The following OSBPL3 variants were observed in gnomAD, a reference collection of about 807,000 sequenced individuals.
OSBPL3 encodes oxysterol-binding protein-related protein 3.
OSBPL3 carries 65 observed loss-of-function variants against 120.1 expected under a neutral mutation model. The ratio of observed to expected loss-of-function variants is 0.54; its 90% confidence interval spans 0.44 to 0.67. The LOEUF (loss-of-function observed/expected upper bound fraction) is 0.67. Among genes scored for constraint, OSBPL3 ranks in the 30% least tolerant of loss-of-function variants. The probability of loss-of-function intolerance (pLI) is 0.00; values close to 1 mark genes in which losing one functional copy is unlikely to be tolerated. For synonymous variants in OSBPL3, 416 were observed against 402.6 expected (o/e 1.03, Z -0.40); for missense variants, 1,004 against 1,082.1 (o/e 0.93, Z 1.01).
intron 1 of OSBPL3, among the ~76,000 whole-genome samples, chr7:24,945,067 A>T (rs1813556255): frequency 6.6e-6 from 1 of 152,186 alleles, no homozygotes; most frequent in Admixed American, 6.5e-5. Context: ...CTTGAGTATC[A>T]AGTCTTGGGT....
chr7:24,826,437 A>G (rs1313284913), intron 16 of OSBPL3, among the ~76,000 whole-genome samples: 1 of 152,176 alleles, frequency 6.6e-6, no homozygotes, highest in Non-Finnish European at 1.5e-5. Flanking sequence ...GAGATTTTGC[A>G]TGGTGAGAAC....
In OSBPL3 at chr7:24,799,074, T is replaced by G. The variant is rs1792010877; in HGVS notation, c.*1109A>C. The G allele has an allele frequency of 6.6e-6, 1 of 152,624 alleles. No homozygotes were observed. The allele number at this position is 152,624 out of a possible 1,614,324, so 9.5% of individuals were successfully genotyped here. Reference sequence around the variant, plus strand: ...AGGGGTAAGACACTCACTTAAAGCTTTACCAGAACACAACACAAAGCAAGA... The same window carrying G: ...AGGGGTAAGACACTCACTTAAAGCTGTACCAGAACACAACACAAAGCAAGA... On this transcript the variant is annotated 3_prime_UTR_variant, in exon 23 of 23. Transcript: ENST00000313367. This position sits in a 1 kb window ranked among gnomAD's most constrained non-coding sequence, Gnocchi z 5.3.
In OSBPL3 at chr7:24,918,999, A is replaced by G. The variant is rs188710959; in HGVS notation, c.-149-26378T>C. Among the ~76,000 whole-genome samples, 5 of 152,304 alleles carry G rather than the reference A, an allele frequency of 3.3e-5. No homozygotes were observed. The East Asian group carries it at 9.6e-4, about 29-fold the overall frequency. On this transcript the variant is annotated intron_variant, in intron 1 of 22. Transcript: ENST00000313367. The surrounding 1 kb of genome is among the most constrained non-coding windows in gnomAD (Gnocchi z 4.3). ...TTACCCTTTGATTTGGTAGAGTTTC[A>G]TTTTATAGTTAAGAAACAGAGCCAG...
Position 24,799,778 on chromosome 7 carries a change from T to C in OSBPL3, c.*405A>G, listed in dbSNP as rs2128085698. 6.5e-6 allele frequency: 1 copy of C among 153,056 alleles called. No individual in the cohort carries two copies. Among genetic ancestry groups the C allele is most frequent in the East Asian group, 1.9e-4 (1 of 5,208 alleles). The allele number at this position is 153,056 out of a possible 1,614,324, so 9.5% of individuals were successfully genotyped here. A position where few individuals can be genotyped will look rare whatever the true frequency, so the allele number is the denominator to read the frequency against. On this transcript the variant is annotated 3_prime_UTR_variant, in exon 23 of 23. Coordinates refer to ENST00000313367, the MANE Select transcript of OSBPL3 (RefSeq NM_015550.4). The surrounding 1 kb of genome is among the most constrained non-coding windows in gnomAD (Gnocchi z 5.3). The stretch of plus-strand genomic sequence containing the variant: ...TAGCTTACGCATGGGTGAGTAACCC[T>C]GGGAATTCTTATTTCTTAATGCACC...
At chr7:24,926,561 T>C (rs927141005) in intron 1 of OSBPL3, among the ~76,000 whole-genome samples, 4 of 152,268 alleles carry the variant, frequency 2.6e-5, no homozygotes, top group East Asian at 1.9e-4. Flanking sequence ...ACAAATCCAC[T>C]TGCAGTTCTC....
chr7:24,888,473 T>C (rs1460995924), intron 2 of OSBPL3, among the ~76,000 whole-genome samples: 2 of 152,206 alleles, frequency 1.3e-5, no homozygotes, highest in African/African-American at 2.4e-5. Flanking sequence ...CCTCAAATTA[T>C]CTTGAAGAGA....
intron 2 of OSBPL3, 68 bp downstream of exon 2, chr7:24,892,309 G>A: frequency 6.6e-7 from 1 of 1,512,314 alleles, no homozygotes; most frequent in South Asian, 1.2e-5. Context: ...AAGTAAATGT[G>A]TGCATTTTAA....
Position 24,922,751 on chromosome 7 carries a change from A to G in OSBPL3, c.-149-30130T>C, listed in dbSNP as rs1810551094. 6.6e-6 allele frequency among the ~76,000 whole-genome samples: 1 copy of G among 152,008 alleles called. No individual in the cohort carries two copies. Among genetic ancestry groups the G allele is most frequent in the Non-Finnish European group, 1.5e-5 (1 of 68,010 alleles). ...CTCTGTTCTTTGCACGTAATCCCCT[A>G]GTCCTGCTTCAGGCTTCAGGTCAAG... On this transcript the variant is annotated intron_variant, in intron 1 of 22. Transcript: ENST00000313367. The surrounding 1 kb of genome is among the most constrained non-coding windows in gnomAD (Gnocchi z 4.3).
Position 24,911,744 on chromosome 7 carries a change from G to T in OSBPL3, c.-149-19123C>A, listed in dbSNP as rs6461826. 3.3e-5 allele frequency among the ~76,000 whole-genome samples: 5 copies of T among 151,912 alleles called. No homozygotes were observed. In the South Asian group the frequency reaches 6.2e-4, roughly 19 times the overall value. ...ATCACTAATTTAGGGAACATAGGTG[G>T]GGAGAAAAAGGGATACAGGAAGTTT... On this transcript the variant is annotated intron_variant, in intron 1 of 22. Coordinates refer to ENST00000313367, the MANE Select transcript of OSBPL3 (RefSeq NM_015550.4).
chr7:24,926,135 C>T (rs998384477), intron 1 of OSBPL3, among the ~76,000 whole-genome samples: 8 of 152,140 alleles, frequency 5.3e-5, no homozygotes, highest in Non-Finnish European at 1.0e-4. Flanking sequence ...CTCAGGTGTA[C>T]TGAATTGGGG....
chr7:24,903,134 T>C (rs979528139), intron 1 of OSBPL3, among the ~76,000 whole-genome samples: 4 of 152,256 alleles, frequency 2.6e-5, no homozygotes, highest in Non-Finnish European at 4.4e-5. Flanking sequence ...ATGACTTGTG[T>C]ACCAACCTAA....
Position 24,818,953 on chromosome 7 carries a change from T to TA in OSBPL3, c.1948+1221dup, listed in dbSNP as rs957960278. Among the ~76,000 whole-genome samples the TA allele has an allele frequency of 2.2e-4, 33 of 150,920 alleles. No homozygotes were observed. Among genetic ancestry groups the TA allele is most frequent in the Non-Finnish European group, 2.5e-4 (17 of 67,678 alleles). The stretch of plus-strand genomic sequence containing the variant: ...ACTACTTTGAGAAGACCCCTCGCAT[T>TA]AAAAAAAAATCCAACTTTTGGCTGG... On this transcript the variant is annotated intron_variant, in intron 17 of 22. Coordinates refer to ENST00000313367, the MANE Select transcript of OSBPL3 (RefSeq NM_015550.4). The surrounding 1 kb of genome is among the most constrained non-coding windows in gnomAD (Gnocchi z 4.0).
chr7:24,809,237 C>T (rs1380343092), intron 20 of OSBPL3, among the ~76,000 whole-genome samples: 5 of 152,248 alleles, frequency 3.3e-5, no homozygotes, highest in Admixed American at 6.5e-5. Context: ...ACATAATTTT[C>T]GGACTTAGGA....
At position 24,942,274 on chromosome 7, in the gene OSBPL3, T is replaced by C. The variant is rs141535244; in HGVS notation, c.-150+37612A>G. Among the ~76,000 whole-genome samples the C allele has an allele frequency of 4.7e-4, 71 of 152,132 alleles. 1 individual carries two copies. The highest frequency in any genetic ancestry group is 3.1e-3 in the Admixed American group (47 of 15,274). On this transcript the variant is annotated intron_variant, in intron 1 of 22. Coordinates refer to ENST00000313367, the MANE Select transcript of OSBPL3 (RefSeq NM_015550.4). ...ATTTACTAAATAGTCAATCTAAACA[T>C]AGGTATTCTTTTATACAACTAATAT...
At position 24,891,351 on chromosome 7, in the gene OSBPL3, G is replaced by A. The variant is rs1269749165; in HGVS notation, c.96+1026C>T. 6.6e-6 allele frequency among the ~76,000 whole-genome samples: 1 copy of A among 152,180 alleles called. No homozygotes were observed. The highest frequency in any genetic ancestry group is 1.5e-5 in the Non-Finnish European group (1 of 68,038). On this transcript the variant is annotated intron_variant, in intron 2 of 22. Coordinates refer to ENST00000313367, the MANE Select transcript of OSBPL3 (RefSeq NM_015550.4). This position sits in a 1 kb window ranked among gnomAD's most constrained non-coding sequence, Gnocchi z 4.1. ...TAATTTCCTGGAATCACAGATTCAT[G>A]GGTGGCAAAGCTCCTTATCCCAGGC...
At chr7:24,941,570 A>T in intron 1 of OSBPL3, among the ~76,000 whole-genome samples, 1 of 152,192 alleles carries the variant, frequency 6.6e-6, no homozygotes, top group Non-Finnish European at 1.5e-5. Flanking sequence ...AAAGACCTGC[A>T]GTGACTCCTC....
chr7:24,935,061 G>A (rs922158806), intron 1 of OSBPL3, among the ~76,000 whole-genome samples: 2 of 151,958 alleles, frequency 1.3e-5, no homozygotes, highest in Non-Finnish European at 2.9e-5. Flanking sequence ...AGTAAAGAAA[G>A]GAAAACATCT....
chr7:24,809,700 A>C, intron 20 of OSBPL3, 107 bp downstream of exon 20: 1 of 1,002,618 alleles, frequency 1.0e-6, no homozygotes, highest in Non-Finnish European at 1.5e-6. Context: ...AAAGCAGAAG[A>C]GGCTGGAGAT....
At chr7:24,978,458 C>T (rs898022635) in intron 1 of OSBPL3, among the ~76,000 whole-genome samples, 2 of 152,110 alleles carry the variant, frequency 1.3e-5, no homozygotes, top group African/African-American at 4.8e-5. Context: ...ACCCAATAAC[C>T]CAAAGAGACA....
Sources: gnomAD v4.1 joint callset for allele counts (sites outside exome capture counted in the v4.1 genomes callset) on GRCh38, gnomAD v4.1.1 for gene constraint, Gnocchi (gnomAD v3.1) non-coding constraint, MANE v1.5 for transcripts, NCBI Gene and HGNC (gene_info 2026-07-23, HGNC 2026-07-21) for gene names.